Variants in PCDHA6 observed in about 807,000 individuals in gnomAD.
The protein encoded by PCDHA6 is protocadherin alpha-6.
A neutral mutation model predicts 60.3 loss-of-function variants in PCDHA6; 55 were observed. The ratio of observed to expected loss-of-function variants is 0.91; its 90% CI spans 0.73 to 1.14. PCDHA6 has a LOEUF of 1.14. Among genes scored for constraint, PCDHA6 ranks in the 50% most tolerant of loss-of-function variants. PCDHA6 has a pLI of 0.00. For synonymous variants in PCDHA6, 652 were observed against 557.9 expected, an observed-to-expected ratio of 1.17 and a Z score of -2.38; for missense variants, 1,327 against 1,256.5, an observed-to-expected ratio of 1.06 and a Z score of -0.85.
At chr5:140,954,149 G>A (rs1301810560) in intron 1 of PCDHA6, among the ~76,000 whole-genome samples, 2 of 152,204 alleles carry the variant, frequency 1.3e-5, no homozygotes, top group Non-Finnish European at 2.9e-5. Flanking sequence ...ATTCCATGGT[G>A]TATATGTACC....
chr5:140,921,267 A>G (rs1371688460), intron 1 of PCDHA6, among the ~76,000 whole-genome samples: 2 of 152,168 alleles, frequency 1.3e-5, no homozygotes, highest in Non-Finnish European at 2.9e-5. Flanking sequence ...AGACTTTTAT[A>G]CTTACTTGAA....
At position 140,843,576 on chromosome 5, in the gene PCDHA6, A is replaced by G; in HGVS notation, c.2394+13091A>G. The G allele has an allele frequency of 1.9e-6, 3 of 1,595,922 alleles. 1 individual carries two copies. Among genetic ancestry groups the G allele is most frequent in the Non-Finnish European group, 2.6e-6 (3 of 1,165,492 alleles). On this transcript the variant is annotated intron_variant, in intron 1 of 3. Coordinates refer to ENST00000529310, the MANE Select transcript of PCDHA6 (RefSeq NM_018909.4). Reference sequence around the variant, plus strand: ...GCGGTGGGGAGCTGGTCATACTCGCAACAACAGCCGCAGAGGGTGTGCTCT... The same window carrying G: ...GCGGTGGGGAGCTGGTCATACTCGCGACAACAGCCGCAGAGGGTGTGCTCT...
At position 140,877,496 on chromosome 5, in the gene PCDHA6, C is replaced by T. The variant is rs563591404; in HGVS notation, c.2394+47011C>T. On this transcript the variant is annotated intron_variant, in intron 1 of 3. Transcript: ENST00000529310. ...GTGTCGCTGGTGGAGAACGGCCAGG[C>T]CCCAAAGACGTCGTCGCGGGCCTCA... 24 of 1,613,862 alleles carry T rather than the reference C, an allele frequency of 1.5e-5. No individual in the cohort carries two copies. In the East Asian group the frequency reaches 4.9e-4, roughly 33 times the overall value.
chr5:140,884,837 C>A, intron 1 of PCDHA6: 4 of 902,438 alleles, frequency 4.4e-6, no homozygotes, highest in Non-Finnish European at 6.3e-6. Flanking sequence ...GATTATCCTT[C>A]AGAGTGAAAT....
chr5:140,920,029 T>C (rs1584162393), intron 1 of PCDHA6, among the ~76,000 whole-genome samples: 1 of 152,118 alleles, frequency 6.6e-6, no homozygotes, highest in African/African-American at 2.4e-5. Flanking sequence ...GAGACAGAGA[T>C]TGGAGTGATG....
intron 1 of PCDHA6, among the ~76,000 whole-genome samples, chr5:140,884,988 A>G (rs2060423125): frequency 6.6e-6 from 1 of 152,242 alleles, no homozygotes; most frequent in African/African-American, 2.4e-5. Context: ...CATTTAGAAA[A>G]TGTTTGTTTT....
intron 1 of PCDHA6, chr5:140,834,742 A>T: frequency 1.2e-6 from 2 of 1,614,196 alleles, no homozygotes; most frequent in Non-Finnish European, 1.7e-6. Flanking sequence ...TTCCATGTGG[A>T]CGTGGAGGTG....
At chr5:140,857,346 C>T (rs782309251) in intron 1 of PCDHA6, 1 of 1,598,444 alleles carries the variant, frequency 6.3e-7, no homozygotes, top group South Asian at 1.1e-5. Flanking sequence ...GGCTCGCCTC[C>T]GCTGTGGGCC....
At chr5:140,955,470 G>C (rs1459601597) in intron 1 of PCDHA6, among the ~76,000 whole-genome samples, 2 of 151,850 alleles carry the variant, frequency 1.3e-5, no homozygotes, top group African/African-American at 4.8e-5. Context: ...CTTTTTGCTT[G>C]GCACCTCTCC....
intron 1 of PCDHA6, chr5:140,867,813 C>A (rs1189080463): frequency 6.6e-6 from 1 of 152,032 alleles, no homozygotes; most frequent in African/African-American, 2.4e-5. Flanking sequence ...TATGAAATTC[C>A]ATTTCCACAA....
intron 1 of PCDHA6, chr5:140,877,781 T>C: frequency 6.2e-7 from 1 of 1,614,178 alleles, no homozygotes; most frequent in South Asian, 1.1e-5. Flanking sequence ...ACGGACCTCA[T>C]GGCCTTCAGC....
chr5:140,829,512 T>C lies in PCDHA6; in HGVS notation c.1421T>C (p.Ile474Thr). 6.2e-7 allele frequency: 1 copy of C among 1,613,516 alleles called. No individual in the cohort carries two copies. The part of the protein sequence containing the change: ...VKENNPPGCH[I>T]FTVSARDADA... ...GAGAACAACCCGCCGGGCTGCCACA[T>C]CTTCACGGTGTCTGCGCGAGACGCG... Residue 474 changes from isoleucine to threonine, a missense_variant, in exon 1 of 4, where the codon ATC (isoleucine) becomes ACC (threonine). Coordinates refer to ENST00000529310, the MANE Select transcript of PCDHA6 (RefSeq NM_018909.4).
At chr5:140,832,957 G>A in intron 1 of PCDHA6, among the ~76,000 whole-genome samples, 1 of 152,166 alleles carries the variant, frequency 6.6e-6, no homozygotes, top group Non-Finnish European at 1.5e-5. Flanking sequence ...TGAGTATACA[G>A]AAAATTCCAA....
At chr5:140,990,318 A>C (rs2097387548) in intron 3 of PCDHA6, among the ~76,000 whole-genome samples, 1 of 152,054 alleles carries the variant, frequency 6.6e-6, no homozygotes, top group Admixed American at 6.5e-5. Context: ...AACCAACCAA[A>C]CAAACTTTAA....
chr5:140,957,852 A>AT (rs5871756), intron 1 of PCDHA6, among the ~76,000 whole-genome samples: 44,688 of 151,688 alleles, frequency 0.29, 7,154 homozygotes, highest in East Asian at 0.53. Context: ...GAGTTTGTGT[A>AT]TTTTTTTTCC....
intron 1 of PCDHA6, chr5:140,870,060 A>G (rs2051623081): frequency 6.2e-7 from 1 of 1,613,776 alleles, no homozygotes; most frequent in African/African-American, 1.3e-5. Flanking sequence ...AAATTGAAGT[A>G]CAGGCTACAG....
rs1554149682 is a variant in PCDHA6, at chr5:140,857,224, T to C, written c.2394+26739T>C. ...TCACCTGCTCTCTGACGCCTCACGT[T>C]CCGTTCAAGCTGGTGTCCACCTACA... On this transcript the variant is annotated intron_variant, in intron 1 of 3. Transcript: ENST00000529310. 4 of 1,598,426 alleles carry C rather than the reference T, an allele frequency of 2.5e-6. 1 individual carries two copies. Among genetic ancestry groups the C allele is most frequent in the Non-Finnish European group, 3.4e-6 (4 of 1,167,908 alleles).
intron 1 of PCDHA6, among the ~76,000 whole-genome samples, chr5:140,888,383 C>T (rs1279773489): frequency 3.9e-5 from 6 of 152,170 alleles, no homozygotes; most frequent in African/African-American, 1.4e-4. Flanking sequence ...CTCTGAGATG[C>T]TGCTAAACAC....
At position 140,929,021 on chromosome 5, in the gene PCDHA6, G is replaced by C. The variant is rs782118774; in HGVS notation, c.2395-49928G>C. On this transcript the variant is annotated intron_variant, in intron 1 of 3. Coordinates refer to ENST00000529310, the MANE Select transcript of PCDHA6 (RefSeq NM_018909.4). ...TTCGTGTGTACCAAGTTGCACCAGA[G>C]CCCAGGCTGTTGCGCTCAGAGCTGC... is the stretch of plus-strand genomic sequence containing the variant. The C allele has an allele frequency of 2.5e-6, 4 of 1,614,072 alleles. No individual in the cohort carries two copies. The African/African-American group carries it at 5.3e-5, about 22-fold the overall frequency.
Sources: allele counts gnomAD v4.1 joint callset (sites outside exome capture counted in the v4.1 genomes callset), GRCh38; gene constraint gnomAD v4.1.1; transcripts MANE v1.5; gene names NCBI Gene and HGNC (gene_info 2026-07-23, HGNC 2026-07-21).